MYO5A: variants seen among roughly 807,000 people sequenced by gnomAD.
MYO5A encodes myosin VA, also known as unconventional myosin-Va.
Under a neutral mutation model 249.7 loss-of-function variants are expected in MYO5A, and 98 were observed. That is an observed-to-expected ratio of 0.39 (90% confidence interval 0.33 to 0.46). The LOEUF (loss-of-function observed/expected upper bound fraction) is 0.46. Among genes scored for constraint, MYO5A ranks in the 20% least tolerant of loss-of-function variants. The pLI, the probability that MYO5A is intolerant of heterozygous loss-of-function variation, is 0.98. For missense variants in MYO5A, 1,696 were observed against 2,308.8 expected (o/e 0.73, Z 5.44); for synonymous variants, 778 against 810.6 (o/e 0.96, Z 0.68).
rs1239634338 is a variant in MYO5A, at chr15:52,312,218, A to G, written c.*1478T>C. On this transcript the variant is annotated 3_prime_UTR_variant, in exon 42 of 42. Coordinates refer to ENST00000399233, the MANE Select transcript of MYO5A (RefSeq NM_001382347.1). ...TAATATGATGCTTTTAAAATTATCT[A>G]GTGGCATCTGAGAACACTTATAGAA... The G allele has an allele frequency of 6.6e-6, 1 of 152,248 alleles. No individual in the cohort carries two copies. The allele number at this position is 152,248 out of a possible 1,614,324, so 9.4% of individuals were successfully genotyped here. A position where few individuals can be genotyped will look rare whatever the true frequency, so the allele number is the denominator to read the frequency against.
At chr15:52,438,055 T>A in intron 1 of MYO5A, 1 of 985,342 alleles carries the variant, frequency 1.0e-6, no homozygotes, top group Non-Finnish European at 1.2e-6. Flanking sequence ...TTCTTTTCCA[T>A]CTTAACCAAT....
intron 1 of MYO5A, among the ~76,000 whole-genome samples, chr15:52,504,714 AC>A (rs1490024576): frequency 6.6e-6 from 1 of 151,968 alleles, no homozygotes; most frequent in Non-Finnish European, 1.5e-5. Context: ...AGATGGTGAA[AC>A]CCTGTCTCTA....
intron 40 of MYO5A, among the ~76,000 whole-genome samples, chr15:52,315,266 C>G (rs2037942373): frequency 6.6e-6 from 1 of 152,184 alleles, no homozygotes; most frequent in Non-Finnish European, 1.5e-5. Context: ...TCCACACTTG[C>G]AGAAACTGGG....
chr15:52,463,394 G>T (rs2076291911), intron 1 of MYO5A, among the ~76,000 whole-genome samples: 1 of 152,086 alleles, frequency 6.6e-6, no homozygotes, highest in African/African-American at 2.4e-5. Context: ...CGTCATCCAT[G>T]AGTTAAGTAT....
chr15:52,414,704 C>T (rs904272812), intron 5 of MYO5A, among the ~76,000 whole-genome samples: 1 of 152,120 alleles, frequency 6.6e-6, no homozygotes, highest in Admixed American at 6.5e-5. Flanking sequence ...TTTGTCATGA[C>T]CAAAACCAGT....
rs2076740236 is a variant in MYO5A at position 52,482,758 on chromosome 15, A to G, written c.27+46022T>C. Among the ~76,000 whole-genome samples, 3 of 152,118 alleles carry G rather than the reference A, an allele frequency of 2.0e-5. No homozygotes were observed. The South Asian group carries it at 6.2e-4, about 31-fold the overall frequency. ...TTAAGTGAATCCGGTCCATTAGTAG[A>G]GGAGTTGCGGCAGCTCAAGGCAAGG... On this transcript the variant is annotated intron_variant, in intron 1 of 41. Transcript: ENST00000399233.
chr15:52,375,807 C>A (rs139341394), intron 19 of MYO5A, among the ~76,000 whole-genome samples: 227 of 152,344 alleles, frequency 1.5e-3, no homozygotes, highest in African/African-American at 5.2e-3. Flanking sequence ...ATAGAACAGA[C>A]AGACATACAC....
intron 25 of MYO5A, 148 bp from the exon 26 acceptor site, chr15:52,354,162 A>G: frequency 1.0e-6 from 1 of 955,850 alleles, no homozygotes; most frequent in Non-Finnish European, 1.5e-6. Context: ...AAAATGCTCA[A>G]CCTAGCTAAC....
At chr15:52,498,926 C>A (rs2077096082) in intron 1 of MYO5A, among the ~76,000 whole-genome samples, 1 of 152,176 alleles carries the variant, frequency 6.6e-6, no homozygotes, top group South Asian at 2.1e-4. Context: ...TGAATTTCTA[C>A]AAATGTCTTG....
intron 1 of MYO5A, among the ~76,000 whole-genome samples, chr15:52,527,595 G>A (rs188761652): frequency 2.8e-4 from 42 of 152,350 alleles, no homozygotes; most frequent in African/African-American, 9.6e-4. Context: ...TCTCACAACA[G>A]CTTGTAAGGG....
intron 2 of MYO5A, among the ~76,000 whole-genome samples, chr15:52,431,922 A>T (rs1343801651): frequency 1.3e-5 from 2 of 152,070 alleles, no homozygotes; most frequent in African/African-American, 4.8e-5. Flanking sequence ...AAGCCACTGC[A>T]CTCTAGCCTG....
chr15:52,508,112 T>C (rs1412887238), intron 1 of MYO5A, among the ~76,000 whole-genome samples: 1 of 152,174 alleles, frequency 6.6e-6, no homozygotes, highest in Non-Finnish European at 1.5e-5. Flanking sequence ...GTTTGTTATT[T>C]TATTTGTTCT....
intron 22 of MYO5A, among the ~76,000 whole-genome samples, chr15:52,367,915 A>AC: frequency 7.0e-6 from 1 of 143,744 alleles, no homozygotes; most frequent in African/African-American, 2.5e-5. Context: ...ACACACACAC[A>AC]AGTTGACTCT....
rs1312513335 is a variant in MYO5A, at chr15:52,311,628, C to T, written c.*2068G>A. The T allele has an allele frequency of 6.6e-6, 1 of 152,188 alleles. No homozygotes were observed. The highest frequency in any genetic ancestry group is 2.4e-5 in the African/African-American group (1 of 41,448). The allele number at this position is 152,188 out of a possible 1,614,324, so 9.4% of individuals were successfully genotyped here. On this transcript the variant is annotated 3_prime_UTR_variant, in exon 42 of 42. Coordinates refer to ENST00000399233, the MANE Select transcript of MYO5A (RefSeq NM_001382347.1). ...AATCATGTACATTTAAGAAAGGTTA[C>T]AGCTACACAAACTTGTGATTTTACA... is the stretch of plus-strand genomic sequence containing the variant.
At chr15:52,467,468 T>G (rs1724615) in intron 1 of MYO5A, among the ~76,000 whole-genome samples, 18,237 of 151,982 alleles carry the variant, frequency 0.12, 1,347 homozygotes, top group South Asian at 0.17. Flanking sequence ...TGAAATAACA[T>G]AATCAGACAA....
At chr15:52,370,540 C>T (rs577399517) in intron 21 of MYO5A, 123 bp from the exon 22 acceptor site, 2 of 1,008,374 alleles carry the variant, frequency 2.0e-6, no homozygotes, top group Middle Eastern at 3.1e-4. Context: ...TAGTATCCAA[C>T]CAAAATACTA....
At chr15:52,405,703 T>A (rs1028449295) in intron 8 of MYO5A, among the ~76,000 whole-genome samples, 2 of 152,204 alleles carry the variant, frequency 1.3e-5, no homozygotes, top group Admixed American at 6.5e-5. Context: ...ATTTGAGATA[T>A]GAAAATAATA....
At chr15:52,413,129 A>C (rs2043321200) in intron 5 of MYO5A, among the ~76,000 whole-genome samples, 1 of 149,818 alleles carries the variant, frequency 6.7e-6, no homozygotes, top group Non-Finnish European at 1.5e-5. Context: ...CCTGGACAAC[A>C]AGAGCGAAAC....
intron 27 of MYO5A, 142 bp downstream of exon 27, chr15:52,353,463 A>C (rs2040052972): frequency 1.4e-6 from 1 of 726,856 alleles, no homozygotes; most frequent in Admixed American, 2.3e-5. Flanking sequence ...CAACACAAGA[A>C]GTAATGCTGA....
Sources: allele counts gnomAD v4.1 joint callset (sites outside exome capture counted in the v4.1 genomes callset), GRCh38; gene constraint gnomAD v4.1.1; transcripts MANE v1.5; gene names NCBI Gene and HGNC (gene_info 2026-07-23, HGNC 2026-07-21).